KCNB2: variants seen among roughly 807,000 people sequenced by gnomAD.
The protein encoded by KCNB2 is potassium voltage-gated channel subfamily B member 2, also known as delayed rectifier potassium channel protein.
A neutral mutation model predicts 61.5 loss-of-function variants in KCNB2; 15 were observed. That is an observed-to-expected ratio of 0.24 (90% confidence interval 0.16 to 0.38). KCNB2 has a LOEUF of 0.38. Ranked by LOEUF, KCNB2 falls within the 10% of genes least tolerant of loss-of-function variation. The pLI, the probability that KCNB2 is intolerant of heterozygous loss-of-function variation, is 1.00. For synonymous variants in KCNB2, 457 were observed against 446.0 expected (o/e 1.02, Z -0.31); for missense variants, 828 against 1,125.2 (o/e 0.74, Z 3.78).
chr8:72,694,305 T>C (rs1276638537), intron 2 of KCNB2, among the ~76,000 whole-genome samples: 2 of 152,216 alleles, frequency 1.3e-5, no homozygotes, highest in African/African-American at 4.8e-5. Flanking sequence ...CCATATATAC[T>C]CACAAATATA....
At position 72,759,463 on chromosome 8, in the gene KCNB2, G is replaced by T. The variant is rs547570830; in HGVS notation, c.580-176472G>T. ...AGGTGGCCATCAGAATTAAAATTTG[G>T]TTCTCTGCTCCAACTCTGCTGCCTT... On this transcript the variant is annotated intron_variant, in intron 2 of 2. Transcript: ENST00000523207. Among the ~76,000 whole-genome samples, 7 of 152,230 alleles carry T rather than the reference G, an allele frequency of 4.6e-5. No individual in the cohort carries two copies. The East Asian group carries it at 1.4e-3, about 30-fold the overall frequency.
chr8:72,914,418 C>T (rs1481041720), intron 2 of KCNB2, among the ~76,000 whole-genome samples: 1 of 152,216 alleles, frequency 6.6e-6, no homozygotes, highest in East Asian at 1.9e-4. Context: ...TTTGGATTCT[C>T]AGTTTAAACT....
intron 2 of KCNB2, chr8:72,881,628 A>T (rs1358394391): frequency 6.7e-6 from 1 of 150,256 alleles, no homozygotes; most frequent in African/African-American, 2.4e-5. Flanking sequence ...GCACTCAAAC[A>T]TCTGTAGACA....
At chr8:72,790,585 G>A (rs532615285) in intron 2 of KCNB2, among the ~76,000 whole-genome samples, 2 of 152,248 alleles carry the variant, frequency 1.3e-5, no homozygotes, top group East Asian at 3.9e-4. Flanking sequence ...TAAGAACTTT[G>A]GCACTCGAGG....
rs374089371 is a variant in KCNB2 at position 72,653,923 on chromosome 8, T to C, written c.579+85610T>C. Among the ~76,000 whole-genome samples the C allele has an allele frequency of 2.5e-3, 379 of 152,328 alleles. 3 individuals carry two copies. The highest frequency in any genetic ancestry group is 8.3e-3 in the African/African-American group (345 of 41,590). ...ACTGAAGAGAAAGATATCTGGGTTC[T>C]TTTTTATCTGTTTCTAATTTAGAGC... is the stretch of plus-strand genomic sequence containing the variant. On this transcript the variant is annotated intron_variant, in intron 2 of 2. Transcript: ENST00000523207.
rs543468145 is a variant in KCNB2, at chr8:72,768,948, G to T, written c.580-166987G>T. Among the ~76,000 whole-genome samples the T allele has an allele frequency of 3.3e-5, 5 of 152,158 alleles. No homozygotes were observed. The East Asian group carries it at 9.7e-4, about 30-fold the overall frequency. On this transcript the variant is annotated intron_variant, in intron 2 of 2. Coordinates refer to ENST00000523207, the MANE Select transcript of KCNB2 (RefSeq NM_004770.3). ...GGCCAAGGTGGGCAGATCACCTGAG[G>T]TTGGGAGTTCAAGACCAGCCTGACC...
chr8:72,934,694 C>T (rs1011052617), intron 2 of KCNB2, among the ~76,000 whole-genome samples: 10 of 152,200 alleles, frequency 6.6e-5, no homozygotes, highest in African/African-American at 2.2e-4. Context: ...ACCAATGACA[C>T]CTCCCACCAA....
intron 2 of KCNB2, among the ~76,000 whole-genome samples, chr8:72,910,069 T>A (rs955718298): frequency 6.6e-6 from 1 of 152,202 alleles, no homozygotes; most frequent in Non-Finnish European, 1.5e-5. Flanking sequence ...CAACGTGGAC[T>A]TTCACGTCAG....
chr8:72,689,124 A>G (rs2128989875), intron 2 of KCNB2, among the ~76,000 whole-genome samples: 1 of 152,330 alleles, frequency 6.6e-6, no homozygotes, highest in East Asian at 1.9e-4. Context: ...GTAGATATAA[A>G]TGGAGATAGA....
chr8:72,653,368 G>C (rs1015192491), intron 2 of KCNB2, among the ~76,000 whole-genome samples: 1 of 152,058 alleles, frequency 6.6e-6, no homozygotes, highest in Non-Finnish European at 1.5e-5. Flanking sequence ...TCAAGGAATA[G>C]TTCCTCAGAG....
chr8:72,741,000 A>AT (rs1015633171), intron 2 of KCNB2, among the ~76,000 whole-genome samples: 9 of 152,186 alleles, frequency 5.9e-5, no homozygotes, highest in African/African-American at 2.2e-4. Flanking sequence ...TTTCAGATCC[A>AT]TTTTCAAACT....
chr8:72,706,216 C>T (rs1020900648), intron 2 of KCNB2, among the ~76,000 whole-genome samples: 2 of 152,172 alleles, frequency 1.3e-5, no homozygotes, highest in Non-Finnish European at 2.9e-5. Context: ...ATCCTTCCCT[C>T]CTCTCACTAA....
At chr8:72,819,915 C>G (rs1809464900) in intron 2 of KCNB2, among the ~76,000 whole-genome samples, 1 of 152,122 alleles carries the variant, frequency 6.6e-6, no homozygotes, top group Non-Finnish European at 1.5e-5. Flanking sequence ...CACCAAGTAC[C>G]TGTGTCTTCA....
At chr8:72,841,907 T>C (rs1173923927) in intron 2 of KCNB2, among the ~76,000 whole-genome samples, 2 of 152,172 alleles carry the variant, frequency 1.3e-5, no homozygotes, top group Admixed American at 1.3e-4. Context: ...TCTTCCTATT[T>C]GAATACGCTT....
At chr8:72,768,856 T>C (rs1373332793) in intron 2 of KCNB2, among the ~76,000 whole-genome samples, 1 of 152,114 alleles carries the variant, frequency 6.6e-6, no homozygotes, top group Non-Finnish European at 1.5e-5. Flanking sequence ...ACCCTCCTCA[T>C]TCTTTTGAAA....
chr8:72,610,091 G>A (rs1805514278), intron 2 of KCNB2, among the ~76,000 whole-genome samples: 1 of 152,060 alleles, frequency 6.6e-6, no homozygotes, highest in Admixed American at 6.6e-5. Context: ...TGACCACAGG[G>A]TTGGGATAAA....
At chr8:72,735,285 A>G (rs1015321567) in intron 2 of KCNB2, among the ~76,000 whole-genome samples, 1 of 152,174 alleles carries the variant, frequency 6.6e-6, no homozygotes, top group Non-Finnish European at 1.5e-5. Flanking sequence ...GCTTTGCTAT[A>G]GATAAGTATT....
At chr8:72,597,639 A>G (rs1807221086) in intron 2 of KCNB2, among the ~76,000 whole-genome samples, 1 of 152,202 alleles carries the variant, frequency 6.6e-6, no homozygotes, top group African/African-American at 2.4e-5. Flanking sequence ...TATTCATCAA[A>G]TCACTGTTAG....
chr8:72,842,020 C>T (rs1284565952), intron 2 of KCNB2, among the ~76,000 whole-genome samples: 3 of 152,178 alleles, frequency 2.0e-5, no homozygotes, highest in African/African-American at 7.2e-5. Flanking sequence ...TCAAAGGGAA[C>T]GCGCCTAGCT....
Sources: allele counts gnomAD v4.1 joint callset (sites outside exome capture counted in the v4.1 genomes callset), GRCh38; gene constraint gnomAD v4.1.1; transcripts MANE v1.5; gene names NCBI Gene and HGNC (gene_info 2026-07-23, HGNC 2026-07-21).